Variants in LRRC3B observed in about 807,000 individuals in gnomAD.
LRRC3B encodes the protein leucine-rich repeat-containing protein 3B.
In LRRC3B, 2 loss-of-function variants were observed where a neutral mutation model predicts 12.8. The ratio of observed to expected loss-of-function variants is 0.16; its 90% confidence interval spans 0.06 to 0.49. The LOEUF (loss-of-function observed/expected upper bound fraction) is 0.49. Ranked by LOEUF, LRRC3B falls within the 20% of genes least tolerant of loss-of-function variation. The pLI is 0.96. For missense variants in LRRC3B, 189 were observed against 319.4 expected, an observed-to-expected ratio of 0.59 and a Z score of 3.11; for synonymous variants, 132 against 122.0, an observed-to-expected ratio of 1.08 and a Z score of -0.54.
exon 1 of LRRC3B, chr3:26,623,133 C>G (rs1278217680): frequency 1.3e-5 from 2 of 152,160 alleles, no homozygotes; most frequent in Admixed American, 1.3e-4. Flanking sequence ...GAGGTGGCGG[C>G]CGCTGCAGCC....
At chr3:26,685,351 A>C (rs1222999004) in intron 1 of LRRC3B, among the ~76,000 whole-genome samples, 2 of 151,334 alleles carry the variant, frequency 1.3e-5, no homozygotes, top group East Asian at 3.9e-4. Flanking sequence ...TTCTAAAATG[A>C]TCACCTCCCT....
At position 26,708,507 on chromosome 3, in the gene LRRC3B, G is replaced by GGTGGGTAA. The variant is rs71087775; in HGVS notation, c.-160-1004_-160-1003insGGGTAAGT. Reference sequence around the variant, plus strand: ...CTACACCTCAATCTGTTTGACCTTGGGTAAGTAACCTCATCTCTCTGGGAT... The same window carrying GGTGGGTAA: ...CTACACCTCAATCTGTTTGACCTTGGGTGGGTAAGTAAGTAACCTCATCTCTCTGGGAT... On this transcript the variant is annotated intron_variant, in intron 1 of 1. Transcript: ENST00000396641. Among the ~76,000 whole-genome samples the GGTGGGTAA allele has an allele frequency of 7.2e-5, 11 of 151,980 alleles. No individual in the cohort carries two copies. The East Asian group carries it at 2.1e-3, about 30-fold the overall frequency.
chr3:26,700,581 A>T (rs1018423546), intron 1 of LRRC3B, among the ~76,000 whole-genome samples: 1 of 152,302 alleles, frequency 6.6e-6, no homozygotes, highest in Non-Finnish European at 1.5e-5. Context: ...CTTGCCCCAC[A>T]AGCTTCTAAA....
intron 1 of LRRC3B, among the ~76,000 whole-genome samples, chr3:26,668,096 T>C (rs554365973): frequency 6.6e-6 from 1 of 152,198 alleles, no homozygotes; most frequent in South Asian, 2.1e-4. Context: ...GATATTATTA[T>C]AAAAAAAGTA....
chr3:26,708,478 G>GTCTC (rs1293097409), intron 1 of LRRC3B, among the ~76,000 whole-genome samples: 1 of 151,756 alleles, frequency 6.6e-6, no homozygotes, highest in Non-Finnish European at 1.5e-5. Flanking sequence ...CTTGAGTCCT[G>GTCTC]TCTCTACACC....
At chr3:26,639,490 A>AT (rs1480594287) in intron 1 of LRRC3B, among the ~76,000 whole-genome samples, 53 of 106,978 alleles carry the variant, frequency 5.0e-4, no homozygotes, top group Non-Finnish European at 7.2e-4. Flanking sequence ...TTAAATTTAA[A>AT]TTAAATTTAA....
chr3:26,653,114 A>G (rs1242247070), intron 1 of LRRC3B, among the ~76,000 whole-genome samples: 1 of 151,744 alleles, frequency 6.6e-6, no homozygotes, highest in Admixed American at 6.6e-5. Context: ...AAAAAAAAAG[A>G]AAAATGAGTC....
intron 1 of LRRC3B, among the ~76,000 whole-genome samples, chr3:26,679,177 C>T (rs1699920882): frequency 6.6e-6 from 1 of 152,134 alleles, no homozygotes; most frequent in Non-Finnish European, 1.5e-5. Flanking sequence ...GATGATCTGT[C>T]AACTGGGTGC....
intron 1 of LRRC3B, among the ~76,000 whole-genome samples, chr3:26,687,915 G>A (rs1466244772): frequency 6.6e-6 from 1 of 152,158 alleles, no homozygotes; most frequent in East Asian, 1.9e-4. Flanking sequence ...TCCCACAGCA[G>A]CCACTGGACA....
At chr3:26,678,500 CG>C (rs1216554424) in intron 1 of LRRC3B, among the ~76,000 whole-genome samples, 3 of 123,770 alleles carry the variant, frequency 2.4e-5, no homozygotes, top group East Asian at 2.4e-4. Flanking sequence ...TCTCAAAAAA[CG>C]AAAAAAAAAA....
rs576260449 is a variant in LRRC3B, at chr3:26,657,558, C to T, written c.-161+34321C>T. Among the ~76,000 whole-genome samples, 4 of 152,284 alleles carry T rather than the reference C, an allele frequency of 2.6e-5. No individual in the cohort carries two copies. In the East Asian group the frequency reaches 7.7e-4, roughly 29 times the overall value. On this transcript the variant is annotated intron_variant, in intron 1 of 1. Coordinates refer to ENST00000396641, the Ensembl canonical transcript of LRRC3B. ...ATTCTAACTTTCTTATTTGCTAAGT[C>T]ACTTCTCTGAGTTGATGGTATTAGT...
At chr3:26,649,904 G>A (rs1699229040) in intron 1 of LRRC3B, among the ~76,000 whole-genome samples, 1 of 152,020 alleles carries the variant, frequency 6.6e-6, no homozygotes, top group Non-Finnish European at 1.5e-5. Flanking sequence ...TAGCCCCGAT[G>A]TAGCCCCCAC....
chr3:26,675,735 A>G (rs1188992558), intron 1 of LRRC3B, among the ~76,000 whole-genome samples: 2 of 152,326 alleles, frequency 1.3e-5, no homozygotes, highest in East Asian at 3.9e-4. Context: ...TTAAAGGAAA[A>G]TTGTTTTAAA....
At chr3:26,630,865 AAGGGCTCTC>A (rs910108461) in intron 1 of LRRC3B, among the ~76,000 whole-genome samples, 81 of 152,294 alleles carry the variant, frequency 5.3e-4, no homozygotes, top group African/African-American at 1.8e-3. Flanking sequence ...TGGAGAATGA[AAGGGCTCTC>A]AGTTGTTTTT....
intron 1 of LRRC3B, among the ~76,000 whole-genome samples, chr3:26,649,901 G>A (rs74860458): frequency 0.064 from 9,706 of 151,924 alleles, 447 homozygotes; most frequent in East Asian, 0.23. Flanking sequence ...GTATAGCCCC[G>A]ATGTAGCCCC....
At chr3:26,704,139 T>A (rs1449372857) in intron 1 of LRRC3B, among the ~76,000 whole-genome samples, 1 of 152,158 alleles carries the variant, frequency 6.6e-6, no homozygotes, top group Non-Finnish European at 1.5e-5. Context: ...TATGTAAACA[T>A]ATTAATTGCA....
chr3:26,653,097 CA>C (rs58039696), intron 1 of LRRC3B, among the ~76,000 whole-genome samples: 672 of 117,034 alleles, frequency 5.7e-3, no homozygotes, highest in African/African-American at 0.01. Flanking sequence ...CTTGTGGGAT[CA>C]AAAAAAAAAA....
chr3:26,685,486 C>CCTCTCT lies in LRRC3B; in HGVS notation c.-160-23994_-160-23989dup, dbSNP rs61229084. Reference sequence around the variant, plus strand: ...CAACTAAGATATGGTAGACTCTCTCCCTCTCTCTCTCTCTCTCTCTCTCTC... The same window carrying CCTCTCT: ...CAACTAAGATATGGTAGACTCTCTCCCTCTCTCTCTCTCTCTCTCTCTCTCTCTCTC... On this transcript the variant is annotated intron_variant, in intron 1 of 1. Coordinates refer to ENST00000396641, the Ensembl canonical transcript of LRRC3B. 1.4e-3 allele frequency among the ~76,000 whole-genome samples: 67 copies of CCTCTCT among 49,536 alleles called. 2 individuals are homozygous for CCTCTCT. The highest frequency in any genetic ancestry group is 3.8e-3 in the South Asian group (4 of 1,064). 32.5% of individuals were successfully genotyped at this position (49,536 alleles called of 152,430 possible).
intron 1 of LRRC3B, among the ~76,000 whole-genome samples, chr3:26,688,271 C>A: frequency 6.6e-6 from 1 of 152,170 alleles, no homozygotes; most frequent in Non-Finnish European, 1.5e-5. Flanking sequence ...GAAGAGCAGG[C>A]ACACATTTTA....
Sources: allele counts gnomAD v4.1 joint callset (sites outside exome capture counted in the v4.1 genomes callset), GRCh38; gene constraint gnomAD v4.1.1; transcripts MANE v1.5; gene names NCBI Gene and HGNC (gene_info 2026-07-23, HGNC 2026-07-21).